Variants in TFEC observed in about 807,000 individuals in gnomAD.
The protein encoded by TFEC is class E basic helix-loop-helix protein 34.
Under a neutral mutation model 41.6 loss-of-function variants are expected in TFEC, and 31 were observed. The ratio of observed to expected loss-of-function variants is 0.74; its 90% confidence interval spans 0.56 to 1.01. TFEC has a LOEUF of 1.01. Among genes scored for constraint, TFEC ranks in the 50% least tolerant of loss-of-function variants. The probability of loss-of-function intolerance (pLI) is 0.00; values close to 1 mark genes in which losing one functional copy is unlikely to be tolerated. For missense variants in TFEC, 402 were observed against 404.1 expected (o/e 0.99, Z 0.04); for synonymous variants, 143 against 140.6 (o/e 1.02, Z -0.12).
chr7:116,072,165 ATC>A (rs1796844877), intron 3 of TFEC, among the ~76,000 whole-genome samples: 1 of 151,510 alleles, frequency 6.6e-6, no homozygotes, highest in Non-Finnish European at 1.5e-5. Context: ...TTACATTTTA[ATC>A]TCTTTTTTTA....
chr7:115,980,700 A>G (rs1793588612), intron 2 of TFEC, among the ~76,000 whole-genome samples: 1 of 152,134 alleles, frequency 6.6e-6, no homozygotes, highest in South Asian at 2.1e-4. Context: ...CAGTGAGCCA[A>G]GATTGTGCCA....
intron 3 of TFEC, among the ~76,000 whole-genome samples, chr7:116,054,528 G>A (rs1174468847): frequency 6.6e-6 from 1 of 152,092 alleles, no homozygotes; most frequent in Non-Finnish European, 1.5e-5. Flanking sequence ...TAAATCCAGG[G>A]ACTAAAATGG....
intron 1 of TFEC, among the ~76,000 whole-genome samples, chr7:116,153,724 G>C (rs1170583915): frequency 6.6e-6 from 1 of 151,862 alleles, no homozygotes; most frequent in African/African-American, 2.4e-5. Context: ...GTATAATGAA[G>C]TAAAAATTTT....
intron 3 of TFEC, among the ~76,000 whole-genome samples, chr7:116,068,696 C>A (rs1796753371): frequency 1.3e-5 from 2 of 151,546 alleles, no homozygotes; most frequent in Admixed American, 1.3e-4. Flanking sequence ...CTTCACATAT[C>A]TTAATGAGAA....
In TFEC at chr7:115,937,158, G is replaced by A. The variant is rs201504911; in HGVS notation, c.*3393C>T. The A allele has an allele frequency of 3.8e-3, 571 of 151,238 alleles. 8 individuals carry two copies. The highest frequency in any genetic ancestry group is 0.012 in the African/African-American group (516 of 41,336). 9.4% of individuals were successfully genotyped at this position (151,238 alleles called of 1,614,324 possible). A position where few individuals can be genotyped will look rare whatever the true frequency, so the allele number is the denominator to read the frequency against. On this transcript the variant is annotated 3_prime_UTR_variant, in exon 8 of 8. Transcript: ENST00000265440. ...AAATGATTGGATGGGATATTTTGTT[G>A]AAAAAAGAATGAAAAACAATAAAAT... is the stretch of plus-strand genomic sequence containing the variant.
At chr7:115,989,806 A>G (rs1343698389) in intron 1 of TFEC, among the ~76,000 whole-genome samples, 1 of 152,220 alleles carries the variant, frequency 6.6e-6, no homozygotes, top group Admixed American at 6.5e-5. Context: ...GGGGCAGGGC[A>G]TAACTGAACA....
At chr7:115,963,113 G>A (rs947734467) in intron 3 of TFEC, among the ~76,000 whole-genome samples, 6 of 151,136 alleles carry the variant, frequency 4.0e-5, no homozygotes, top group South Asian at 2.1e-4. Context: ...TTGGTTTTCT[G>A]TCCTTGTGAT....
At chr7:116,069,441 T>C (rs955037740) in intron 3 of TFEC, among the ~76,000 whole-genome samples, 1 of 151,692 alleles carries the variant, frequency 6.6e-6, no homozygotes, top group Non-Finnish European at 1.5e-5. Flanking sequence ...TTCTTTCTGC[T>C]GATGATAAAA....
intron 3 of TFEC, among the ~76,000 whole-genome samples, chr7:116,057,367 A>G (rs1445496405): frequency 6.6e-6 from 1 of 152,036 alleles, no homozygotes; most frequent in African/African-American, 2.4e-5. Context: ...CATTATGTAC[A>G]GAAAAACAAA....
intron 3 of TFEC, among the ~76,000 whole-genome samples, chr7:116,047,341 C>T (rs1796192686): frequency 6.6e-6 from 1 of 152,154 alleles, no homozygotes. Context: ...AAACGGCACA[C>T]CAGGAGATTA....
At chr7:116,141,750 T>C (rs1798545789) in intron 1 of TFEC, among the ~76,000 whole-genome samples, 1 of 152,194 alleles carries the variant, frequency 6.6e-6, no homozygotes, top group Non-Finnish European at 1.5e-5. Context: ...GGGTTTGTTT[T>C]ACATGATTTT....
intron 3 of TFEC, among the ~76,000 whole-genome samples, chr7:116,081,631 T>A (rs1051183861): frequency 3.3e-5 from 5 of 152,064 alleles, no homozygotes; most frequent in African/African-American, 4.8e-5. Flanking sequence ...TCCTAAAGCA[T>A]GTGCTCTTAT....
intron 3 of TFEC, among the ~76,000 whole-genome samples, chr7:116,050,274 G>C (rs1257764688): frequency 2.6e-5 from 4 of 152,012 alleles, no homozygotes; most frequent in Non-Finnish European, 5.9e-5. Context: ...GAATCAAATA[G>C]ATGCAATAAA....
rs1793542747 is a variant in TFEC at position 115,979,766 on chromosome 7, A to G, written c.180+4496T>C. On this transcript the variant is annotated intron_variant, in intron 2 of 7. Coordinates refer to ENST00000265440, the MANE Select transcript of TFEC (RefSeq NM_012252.4). ...ATCCTGTAAAGGCTCAAAAATCTCA[A>G]AATTGCACCAAACTCATCTTCCACC... Among the ~76,000 whole-genome samples the G allele has an allele frequency of 1.3e-5, 2 of 152,082 alleles. 1 individual carries two copies. The highest frequency in any genetic ancestry group is 1.3e-4 in the Admixed American group (2 of 15,252).
chr7:115,941,672 T>A (rs1478718067), intron 7 of TFEC: 3 of 567,008 alleles, frequency 5.3e-6, no homozygotes, highest in Non-Finnish European at 6.2e-6. Flanking sequence ...TGTATATACA[T>A]ATATACATAT....
At chr7:116,042,536 G>A (rs1368410351) in intron 3 of TFEC, among the ~76,000 whole-genome samples, 2 of 152,186 alleles carry the variant, frequency 1.3e-5, no homozygotes, top group Non-Finnish European at 2.9e-5. Flanking sequence ...CGATTAATTT[G>A]TTAATAGTTT....
intron 3 of TFEC, among the ~76,000 whole-genome samples, chr7:115,962,457 T>C (rs1289225629): frequency 2.6e-5 from 4 of 151,932 alleles, no homozygotes; most frequent in African/African-American, 9.6e-5. Flanking sequence ...GCTGCAGTTA[T>C]CTAAATCTGT....
chr7:116,050,913 A>G (rs374570470), intron 3 of TFEC, among the ~76,000 whole-genome samples: 1 of 152,250 alleles, frequency 6.6e-6, no homozygotes, highest in Non-Finnish European at 1.5e-5. Context: ...ACCACCAATG[A>G]TAGACTGGAT....
chr7:116,127,363 G>A (rs912392212), intron 1 of TFEC, among the ~76,000 whole-genome samples: 2 of 151,976 alleles, frequency 1.3e-5, no homozygotes, highest in Non-Finnish European at 2.9e-5. Context: ...GATTACAGGC[G>A]TGAGCCACCG....
Sources: allele counts gnomAD v4.1 joint callset (sites outside exome capture counted in the v4.1 genomes callset), GRCh38; gene constraint gnomAD v4.1.1; transcripts MANE v1.5; gene names NCBI Gene and HGNC (gene_info 2026-07-23, HGNC 2026-07-21).